Variants in RUNX1 observed in about 807,000 individuals in gnomAD.
The protein encoded by RUNX1 is runt-related transcription factor 1.
RUNX1 carries 19 observed loss-of-function variants against 42.8 expected under a neutral mutation model. That is an observed-to-expected ratio of 0.44 (90% CI 0.31 to 0.65). RUNX1 has a LOEUF of 0.65. Among genes scored for constraint, RUNX1 ranks in the 30% least tolerant of loss-of-function variants. The pLI is 0.07. For missense variants in RUNX1, 528 were observed against 672.0 expected (o/e 0.79, Z 2.37); for synonymous variants, 271 against 289.4 (o/e 0.94, Z 0.64).
chr21:34,840,946 C>A (rs1266350706), intron 6 of RUNX1, among the ~76,000 whole-genome samples: 1 of 152,190 alleles, frequency 6.6e-6, no homozygotes, highest in Non-Finnish European at 1.5e-5. Context: ...ACCCCTCCCC[C>A]TCTACCATCC....
intron 5 of RUNX1, among the ~76,000 whole-genome samples, chr21:34,865,184 G>A (rs959433005): frequency 1.3e-5 from 2 of 152,072 alleles, no homozygotes; most frequent in African/African-American, 4.8e-5. Context: ...ACATGATAAA[G>A]GTGATTCCAC....
chr21:35,031,698 T>C (rs1012379690), intron 2 of RUNX1, among the ~76,000 whole-genome samples: 1 of 152,080 alleles, frequency 6.6e-6, no homozygotes, highest in Non-Finnish European at 1.5e-5. Flanking sequence ...TTAAAAAAGA[T>C]AGAAACCCTG....
chr21:34,936,280 A>T (rs559369519), intron 2 of RUNX1, among the ~76,000 whole-genome samples: 4,806 of 152,050 alleles, frequency 0.032, 120 homozygotes, highest in Non-Finnish European at 0.051. Flanking sequence ...CTCTTTTTTA[A>T]AAAAAAATAG....
intron 2 of RUNX1, among the ~76,000 whole-genome samples, chr21:35,021,478 A>G (rs1212922710): frequency 6.6e-6 from 1 of 152,254 alleles, no homozygotes; most frequent in Non-Finnish European, 1.5e-5. Flanking sequence ...ACTTAAATAC[A>G]CTATGAGCAC....
At chr21:34,947,146 G>C (rs562652560) in intron 2 of RUNX1, among the ~76,000 whole-genome samples, 1 of 152,300 alleles carries the variant, frequency 6.6e-6, no homozygotes, top group Admixed American at 6.5e-5. Context: ...TTACCAAATG[G>C]ATTATAAGAT....
chr21:34,946,411 T>C (rs902543034), intron 2 of RUNX1, among the ~76,000 whole-genome samples: 8 of 152,164 alleles, frequency 5.3e-5, no homozygotes, highest in African/African-American at 1.7e-4. Flanking sequence ...TATATGCCCC[T>C]AGAGCTGTGT....
rs868527382 is a variant in RUNX1 at position 34,792,394 on chromosome 21, G to C, written c.1184C>G (p.Pro395Arg). Residue 395 changes from proline to arginine, a missense_variant, in exon 9 of 9, where the codon CCG (proline) becomes CGG (arginine). Physicochemically the swap from Pro to Arg is moderately radical, Grantham distance 103. Transcript: ENST00000675419. The surrounding 1 kb of genome is among the most constrained non-coding windows in gnomAD (Gnocchi z 6.9). ...GTAGGAGGGCGAGCTGGCTTGGAACGGGCCTCCCTGCGCTTGCGACGAGCC... is the reference window on the plus strand; with the variant it reads ...GTAGGAGGGCGAGCTGGCTTGGAACCGGCCTCCCTGCGCTTGCGACGAGCC... ...YPGSSQAQGG[P>R]FQASSPSYHL... 5.7e-6 allele frequency: 9 copies of C among 1,565,898 alleles called. No individual in the cohort carries two copies. The highest frequency in any genetic ancestry group is 3.8e-5 in the Admixed American group (2 of 52,246).
At chr21:34,874,699 C>A (rs1320663305) in intron 5 of RUNX1, among the ~76,000 whole-genome samples, 2 of 149,262 alleles carry the variant, frequency 1.3e-5, no homozygotes, top group African/African-American at 5.0e-5. Flanking sequence ...AACAAAAAAA[C>A]CAGAAACACA....
At chr21:34,887,597 T>A in intron 3 of RUNX1, 1 of 1,091,734 alleles carries the variant, frequency 9.2e-7, no homozygotes, top group South Asian at 3.9e-5. Context: ...CACAATTATC[T>A]CCCGTAACAA....
chr21:35,041,176 GA>G (rs1441448663), intron 2 of RUNX1, among the ~76,000 whole-genome samples: 32 of 152,336 alleles, frequency 2.1e-4, no homozygotes, highest in Admixed American at 5.9e-4. Flanking sequence ...CTAACGCCCA[GA>G]AGTAAAAGTT....
At chr21:35,010,548 T>C (rs1324286918) in intron 2 of RUNX1, among the ~76,000 whole-genome samples, 1 of 152,064 alleles carries the variant, frequency 6.6e-6, no homozygotes, top group Non-Finnish European at 1.5e-5. Context: ...AGAGTGATGT[T>C]TAATAATAGT....
chr21:34,829,355 T>G (rs935409002), intron 7 of RUNX1, among the ~76,000 whole-genome samples: 1 of 152,226 alleles, frequency 6.6e-6, no homozygotes, highest in South Asian at 2.1e-4. Context: ...TCAGAACATA[T>G]GCAGTCTACA....
chr21:34,957,086 C>T (rs927372624), intron 2 of RUNX1, among the ~76,000 whole-genome samples: 17 of 152,258 alleles, frequency 1.1e-4, no homozygotes, highest in African/African-American at 3.9e-4. Context: ...AAGCTGGCCA[C>T]GAAGCCTCTG....
chr21:34,914,925 T>C (rs1601565057), intron 2 of RUNX1, among the ~76,000 whole-genome samples: 1 of 152,222 alleles, frequency 6.6e-6, no homozygotes, highest in Non-Finnish European at 1.5e-5. Flanking sequence ...CATGTGATGA[T>C]GGCAGAACGA....
chr21:35,005,331 G>A (rs1405349317), intron 2 of RUNX1, among the ~76,000 whole-genome samples: 2 of 152,032 alleles, frequency 1.3e-5, no homozygotes, highest in Non-Finnish European at 2.9e-5. Flanking sequence ...ATGACTCATT[G>A]TATATGCAAG....
chr21:34,951,095 C>T (rs1271284863), intron 2 of RUNX1, among the ~76,000 whole-genome samples: 2 of 152,140 alleles, frequency 1.3e-5, no homozygotes, highest in Non-Finnish European at 2.9e-5. Context: ...ACAGTGCTGC[C>T]GAGTGTTAGA....
intron 2 of RUNX1, among the ~76,000 whole-genome samples, chr21:34,899,139 T>A (rs1481413624): frequency 6.6e-6 from 1 of 152,112 alleles, no homozygotes; most frequent in African/African-American, 2.4e-5. Context: ...GTCTCGAACT[T>A]CTGACCTCAA....
intron 2 of RUNX1, among the ~76,000 whole-genome samples, chr21:35,024,644 C>A (rs758390522): frequency 3.3e-5 from 5 of 152,362 alleles, no homozygotes; most frequent in African/African-American, 1.2e-4. Flanking sequence ...GAAAGTACTA[C>A]AGTATGACAG....
chr21:34,993,743 A>G (rs2058970118), intron 2 of RUNX1, among the ~76,000 whole-genome samples: 1 of 128,896 alleles, frequency 7.8e-6, no homozygotes, highest in Non-Finnish European at 1.5e-5. Context: ...ACACACAGAG[A>G]CACACACACA....
Sources: allele counts gnomAD v4.1 joint callset (sites outside exome capture counted in the v4.1 genomes callset), GRCh38; gene constraint gnomAD v4.1.1; non-coding constraint Gnocchi (gnomAD v3.1); transcripts MANE v1.5; gene names NCBI Gene and HGNC (gene_info 2026-07-23, HGNC 2026-07-21).